Variants in MAGI1 observed in about 807,000 individuals in gnomAD.
MAGI1 encodes the protein membrane associated guanylate kinase, WW and PDZ domain containing 1, also known as membrane-associated guanylate kinase, WW and PDZ domain-containing protein 1.
A neutral mutation model predicts 139.9 loss-of-function variants in MAGI1; 58 were observed. The observed-to-expected ratio is 0.41, with a 90% CI of 0.34 to 0.52. The LOEUF (loss-of-function observed/expected upper bound fraction) is 0.52. Ranked by LOEUF, MAGI1 falls within the 20% of genes least tolerant of loss-of-function variation. The probability of loss-of-function intolerance (pLI) is 0.12; values close to 1 mark genes in which losing one functional copy is unlikely to be tolerated. For synonymous variants in MAGI1, 812 were observed against 737.9 expected (o/e 1.10, Z -1.63); for missense variants, 1,874 against 1,901.6 (o/e 0.99, Z 0.27).
At chr3:65,686,970 T>C (rs142974563) in intron 1 of MAGI1, among the ~76,000 whole-genome samples, 197 of 152,354 alleles carry the variant, frequency 1.3e-3, no homozygotes, top group African/African-American at 4.6e-3. Context: ...GGTGCTTTTA[T>C]AGCTGAAACA....
At chr3:65,492,159 G>C (rs1209886774) in intron 3 of MAGI1, among the ~76,000 whole-genome samples, 1 of 152,196 alleles carries the variant, frequency 6.6e-6, no homozygotes, top group African/African-American at 2.4e-5. Context: ...AGTTTGTAAA[G>C]AGATACACAT....
intron 3 of MAGI1, among the ~76,000 whole-genome samples, chr3:65,479,013 T>C (rs920564559): frequency 8.5e-5 from 13 of 152,186 alleles, no homozygotes; most frequent in Admixed American, 6.5e-4. Flanking sequence ...GCTGTATTGT[T>C]TTAGTGCAAA....
At chr3:65,604,771 T>A (rs1483242007) in intron 2 of MAGI1, among the ~76,000 whole-genome samples, 1 of 152,034 alleles carries the variant, frequency 6.6e-6, no homozygotes, top group East Asian at 1.9e-4. Context: ...CTGGCTTTTA[T>A]TAGTCAACTG....
intron 12 of MAGI1, among the ~76,000 whole-genome samples, chr3:65,418,145 C>T (rs974876698): frequency 6.6e-6 from 1 of 152,174 alleles, no homozygotes; most frequent in Non-Finnish European, 1.5e-5. Flanking sequence ...GAGGCTGGGG[C>T]ACTCTGCTCC....
chr3:65,597,827 G>A (rs74833279), intron 2 of MAGI1: 8,608 of 452,624 alleles, frequency 0.019, 159 homozygotes, highest in Admixed American at 0.052. Context: ...GCAAACCCCA[G>A]CCCAATCGCC....
intron 5 of MAGI1, chr3:65,469,895 A>G (rs1950444955): frequency 7.1e-6 from 1 of 140,022 alleles, no homozygotes; most frequent in African/African-American, 3.0e-5. Flanking sequence ...CAATATATTT[A>G]TTTTTAATAT....
intron 1 of MAGI1, among the ~76,000 whole-genome samples, chr3:65,981,496 G>A (rs909127453): frequency 1.3e-5 from 2 of 152,160 alleles, no homozygotes; most frequent in Admixed American, 6.5e-5. Flanking sequence ...CTGTAAAATT[G>A]AGATAATAAT....
At chr3:65,419,674 G>T (rs932673465) in intron 12 of MAGI1, among the ~76,000 whole-genome samples, 1 of 152,040 alleles carries the variant, frequency 6.6e-6, no homozygotes, top group Non-Finnish European at 1.5e-5. Context: ...TTCTACCCTA[G>T]GATCCACATC....
chr3:65,504,444 A>G lies in MAGI1; in HGVS notation c.431-10813T>C, dbSNP rs563780020. Among the ~76,000 whole-genome samples, 5 of 152,352 alleles carry G rather than the reference A, an allele frequency of 3.3e-5. No individual in the cohort carries two copies. The South Asian group carries it at 1.0e-3, about 32-fold the overall frequency. ...ATGTCACAGATGAGAAAACATGCAC[A>G]CATTATGTGACTTGCCAAGAATTAC... is the stretch of plus-strand genomic sequence containing the variant. On this transcript the variant is annotated intron_variant, in intron 2 of 22. Transcript: ENST00000402939.
intron 1 of MAGI1, among the ~76,000 whole-genome samples, chr3:65,865,729 C>T (rs2059702609): frequency 6.6e-6 from 1 of 152,252 alleles, no homozygotes; most frequent in African/African-American, 2.4e-5. Context: ...CAACCTCCAC[C>T]TCCCAGGTTC....
intron 1 of MAGI1, among the ~76,000 whole-genome samples, chr3:65,835,610 T>A (rs369184475): frequency 6.6e-6 from 1 of 151,818 alleles, no homozygotes; most frequent in Non-Finnish European, 1.5e-5. Context: ...AACAGATGAC[T>A]ATATACAAGA....
chr3:65,997,041 T>C (rs896906467), intron 1 of MAGI1, among the ~76,000 whole-genome samples: 4 of 152,224 alleles, frequency 2.6e-5, no homozygotes, highest in African/African-American at 7.2e-5. Context: ...AGAAATTTAA[T>C]TGGGATATAT....
chr3:65,799,230 T>C (rs2108118734), intron 1 of MAGI1, among the ~76,000 whole-genome samples: 1 of 152,246 alleles, frequency 6.6e-6, no homozygotes, highest in Non-Finnish European at 1.5e-5. Flanking sequence ...ACTACAAAAG[T>C]TATGGCCACA....
At chr3:65,653,615 C>T (rs2085707609) in intron 1 of MAGI1, among the ~76,000 whole-genome samples, 1 of 152,100 alleles carries the variant, frequency 6.6e-6, no homozygotes, top group Admixed American at 6.6e-5. Flanking sequence ...TAACAATTCC[C>T]TAAACTTCCA....
intron 12 of MAGI1, among the ~76,000 whole-genome samples, chr3:65,415,727 G>C (rs1184813192): frequency 6.6e-6 from 1 of 152,202 alleles, no homozygotes; most frequent in Non-Finnish European, 1.5e-5. Flanking sequence ...AATGGGTGTT[G>C]AAGGGGTTAA....
In MAGI1 at chr3:65,356,956, C is replaced by G. The variant is rs1335988151; in HGVS notation, c.3811G>C (p.Glu1271Gln). The G allele has an allele frequency of 6.2e-7, 1 of 1,614,200 alleles. No homozygotes were observed. The highest frequency in any genetic ancestry group is 1.1e-5 in the South Asian group (1 of 91,090). The stretch of plus-strand genomic sequence containing the variant: ...TGTTCATTGGGTTGTCTGCTATACT[C>G]TCTGCTGCCTTTCGGATCCCTTGCG... The part of the protein sequence containing the change: ...AHARDPKGSR[E>Q]YSRQPNEHHT... The change falls in exon 23 of 23, where the codon GAG becomes CAG. Residue 1271 changes from glutamate (E) to glutamine (Q), a missense_variant. Coordinates refer to ENST00000402939, the MANE Select transcript of MAGI1 (RefSeq NM_001033057.2).
intron 1 of MAGI1, among the ~76,000 whole-genome samples, chr3:65,780,596 A>C (rs545284682): frequency 6.6e-6 from 1 of 152,340 alleles, no homozygotes; most frequent in African/African-American, 2.4e-5. Context: ...GCTGACTTAA[A>C]GTTTCCTCTT....
chr3:65,532,861 T>C (rs2078779561), intron 2 of MAGI1: 1 of 152,452 alleles, frequency 6.6e-6, no homozygotes, highest in Non-Finnish European at 1.5e-5. Context: ...CATGTGTGGC[T>C]GCCTCCTTCT....
chr3:65,782,387 C>G (rs951786960), intron 1 of MAGI1, among the ~76,000 whole-genome samples: 1 of 151,984 alleles, frequency 6.6e-6, no homozygotes, highest in African/African-American at 2.4e-5. Flanking sequence ...CCCATAAAGC[C>G]TTAGGAAGGG....
Sources: allele counts gnomAD v4.1 joint callset (sites outside exome capture counted in the v4.1 genomes callset), GRCh38; gene constraint gnomAD v4.1.1; transcripts MANE v1.5; gene names NCBI Gene and HGNC (gene_info 2026-07-23, HGNC 2026-07-21).